The following PPP3R1 variants were observed in gnomAD, a reference collection of about 807,000 sequenced individuals.
PPP3R1 encodes the protein protein phosphatase 3 regulatory subunit B, alpha.
PPP3R1 carries 5 observed loss-of-function variants against 22.6 expected under a neutral mutation model. The ratio of observed to expected loss-of-function variants is 0.22; its 90% CI spans 0.12 to 0.46. The LOEUF is 0.46. Among genes scored for constraint, PPP3R1 ranks in the 20% least tolerant of loss-of-function variants. The pLI, the probability that PPP3R1 is intolerant of heterozygous loss-of-function variation, is 0.99. For synonymous variants in PPP3R1, 56 were observed against 65.2 expected (o/e 0.86, Z 0.68); for missense variants, 61 against 203.2 (o/e 0.30, Z 4.25).
chr2:68,236,616 A>G (rs889462839), intron 1 of PPP3R1, among the ~76,000 whole-genome samples: 4 of 152,206 alleles, frequency 2.6e-5, no homozygotes, highest in African/African-American at 4.8e-5. Flanking sequence ...AGAGGTCAGT[A>G]TAACATCAGA....
intron 2 of PPP3R1, among the ~76,000 whole-genome samples, chr2:68,198,004 T>A (rs1674827507): frequency 1.5e-5 from 2 of 133,298 alleles, no homozygotes; most frequent in African/African-American, 5.6e-5. Flanking sequence ...GACTTTTTAT[T>A]CCATACAGAA....
intron 2 of PPP3R1, among the ~76,000 whole-genome samples, chr2:68,199,474 T>C (rs1239724328): frequency 6.6e-6 from 1 of 152,230 alleles, no homozygotes; most frequent in Non-Finnish European, 1.5e-5. Context: ...ATGTTGTGAC[T>C]AGGACTTCAA....
At chr2:68,219,704 A>C (rs1201185194) in intron 1 of PPP3R1, among the ~76,000 whole-genome samples, 1 of 152,214 alleles carries the variant, frequency 6.6e-6, no homozygotes, top group Non-Finnish European at 1.5e-5. Context: ...ATAATGATAG[A>C]TACTGTGAGA....
rs76335328 is a variant in PPP3R1 at position 68,248,314 on chromosome 2, T to C, written c.3+3811A>G. On this transcript the variant is annotated intron_variant, in intron 1 of 5. Transcript: ENST00000234310. ...AAGCCTCTTCCCTGCCATGTGCTCTTACAGCATCCCATGTTTAGTCTGTTA... is the reference window on the plus strand; with the variant it reads ...AAGCCTCTTCCCTGCCATGTGCTCTCACAGCATCCCATGTTTAGTCTGTTA... 1.1e-4 allele frequency among the ~76,000 whole-genome samples: 16 copies of C among 152,344 alleles called. No homozygotes were observed. The East Asian group carries it at 2.9e-3, about 28-fold the overall frequency.
At chr2:68,239,377 T>C (rs1305005448) in intron 1 of PPP3R1, among the ~76,000 whole-genome samples, 2 of 152,170 alleles carry the variant, frequency 1.3e-5, no homozygotes, top group Non-Finnish European at 2.9e-5. Context: ...CACTGAAAAC[T>C]GCCTTAAGAC....
Position 68,252,120 on chromosome 2 carries a change from C to T in PPP3R1, c.3+5G>A. 6.9e-7 allele frequency: 1 copy of T among 1,440,252 alleles called. No individual in the cohort carries two copies. The highest frequency in any genetic ancestry group is 9.3e-7 in the Non-Finnish European group (1 of 1,076,480). The allele number at this position is 1,440,252 out of a possible 1,614,324, so 89.2% of individuals were successfully genotyped here. On this transcript the variant is annotated splice_donor_5th_base_variant and intron_variant, in intron 1 of 5. Transcript: ENST00000234310. Reference sequence around the variant, plus strand: ...GATGGTGCATCGAGGAAGCCAAGGTCTCACCATTTTGCTCGGCGGGTCGGC... The same window carrying T: ...GATGGTGCATCGAGGAAGCCAAGGTTTCACCATTTTGCTCGGCGGGTCGGC...
chr2:68,234,251 G>A (rs763677865), intron 1 of PPP3R1, among the ~76,000 whole-genome samples: 2 of 152,088 alleles, frequency 1.3e-5, no homozygotes, highest in Non-Finnish European at 2.9e-5. Flanking sequence ...GCTAAGGCAG[G>A]AGAATGGCGT....
At chr2:68,212,801 G>A (rs529726185) in intron 2 of PPP3R1, among the ~76,000 whole-genome samples, 3 of 152,358 alleles carry the variant, frequency 2.0e-5, no homozygotes, top group Non-Finnish European at 4.4e-5. Context: ...AATGAGCACT[G>A]ACTGTAACTT....
chr2:68,209,228 G>A lies in PPP3R1; in HGVS notation c.43+7864C>T, dbSNP rs947408780. On this transcript the variant is annotated intron_variant, in intron 2 of 5. Transcript: ENST00000234310. The stretch of plus-strand genomic sequence containing the variant: ...AAAAAAATTAGCCGGGCGTAGTGGC[G>A]GGCGCCTGTAGTCCCAGCTACTTGG... Among the ~76,000 whole-genome samples, 195 of 148,152 alleles carry A rather than the reference G, an allele frequency of 1.3e-3. 1 individual carries two copies. Among genetic ancestry groups the A allele is most frequent in the Non-Finnish European group, 2.2e-3 (144 of 66,612 alleles).
intron 2 of PPP3R1, among the ~76,000 whole-genome samples, chr2:68,209,421 TAATA>T (rs1048792244): frequency 8.0e-6 from 1 of 124,764 alleles, no homozygotes; most frequent in African/African-American, 2.9e-5. Context: ...GCAGATAAAT[TAATA>T]AATAAGTAAT....
At chr2:68,231,670 T>C (rs1369952418) in intron 1 of PPP3R1, among the ~76,000 whole-genome samples, 1 of 152,190 alleles carries the variant, frequency 6.6e-6, no homozygotes, top group Non-Finnish European at 1.5e-5. Context: ...TAACAAAATA[T>C]TGCTTTATCA....
chr2:68,218,590 T>TA (rs952242191), intron 1 of PPP3R1, among the ~76,000 whole-genome samples: 4 of 150,856 alleles, frequency 2.7e-5, no homozygotes, highest in African/African-American at 9.8e-5. Context: ...TTCACTGCCT[T>TA]ACATATTCTT....
At chr2:68,216,061 A>G (rs1337340937) in intron 2 of PPP3R1, among the ~76,000 whole-genome samples, 1 of 152,188 alleles carries the variant, frequency 6.6e-6, no homozygotes, top group African/African-American at 2.4e-5. Context: ...ATGGAAAACC[A>G]TAGAGGGACG....
intron 1 of PPP3R1, among the ~76,000 whole-genome samples, chr2:68,220,208 G>A (rs952542415): frequency 6.6e-6 from 1 of 152,162 alleles, no homozygotes; most frequent in East Asian, 1.9e-4. Context: ...CCGAGACATC[G>A]CCAAATTGAG....
intron 2 of PPP3R1, among the ~76,000 whole-genome samples, chr2:68,202,036 A>C (rs1265643204): frequency 6.6e-6 from 1 of 152,002 alleles, no homozygotes; most frequent in Non-Finnish European, 1.5e-5. Context: ...TTCTCCTTTT[A>C]TTTCACTGAT....
chr2:68,246,551 G>A (rs1670240115), intron 1 of PPP3R1, among the ~76,000 whole-genome samples: 1 of 152,054 alleles, frequency 6.6e-6, no homozygotes, highest in African/African-American at 2.4e-5. Context: ...AAACTCTCCT[G>A]TTATCTCCAA....
At position 68,180,843 on chromosome 2, in the gene PPP3R1, T is replaced by C; in HGVS notation, c.*120A>G. 1 of 1,010,978 alleles carries C rather than the reference T, an allele frequency of 9.9e-7. No homozygotes were observed. The highest frequency in any genetic ancestry group is 1.5e-5 in the South Asian group (1 of 66,044). The allele number at this position is 1,010,978 out of a possible 1,614,324, so 62.6% of individuals were successfully genotyped here. On this transcript the variant is annotated 3_prime_UTR_variant, in exon 6 of 6. Coordinates refer to ENST00000234310, the MANE Select transcript of PPP3R1 (RefSeq NM_000945.4). ...TTCATGAGGCTCATGTTGGAAAATG[T>C]GGCTTCACAGAGAAAAATACTTCCA... is the stretch of plus-strand genomic sequence containing the variant.
chr2:68,201,405 GTTTC>G (rs1279668016), intron 2 of PPP3R1, among the ~76,000 whole-genome samples: 1 of 152,024 alleles, frequency 6.6e-6, no homozygotes, highest in African/African-American at 2.4e-5. Flanking sequence ...GCATCCCCCA[GTTTC>G]TTTTTTTTCT....
At chr2:68,244,341 C>T (rs1024528269) in intron 1 of PPP3R1, among the ~76,000 whole-genome samples, 1 of 152,140 alleles carries the variant, frequency 6.6e-6, no homozygotes, top group Non-Finnish European at 1.5e-5. Context: ...TGTTAACTGC[C>T]TAACAATTCC....
Sources: allele counts gnomAD v4.1 joint callset (sites outside exome capture counted in the v4.1 genomes callset), GRCh38; gene constraint gnomAD v4.1.1; transcripts MANE v1.5; gene names NCBI Gene and HGNC (gene_info 2026-07-23, HGNC 2026-07-21).